The following KCNIP4 variants were observed in gnomAD, a reference collection of about 807,000 sequenced individuals.
KCNIP4 encodes the protein potassium voltage-gated channel interacting protein 4, also known as Kv channel-interacting protein 4.
In KCNIP4, 12 loss-of-function variants were observed where a neutral mutation model predicts 34.0. That is an observed-to-expected ratio of 0.35 (90% CI 0.23 to 0.57). The LOEUF (loss-of-function observed/expected upper bound fraction) is 0.57. Among genes scored for constraint, KCNIP4 ranks in the 20% least tolerant of loss-of-function variants. KCNIP4 has a pLI of 0.83. For missense variants in KCNIP4, 238 were observed against 311.7 expected, an observed-to-expected ratio of 0.76 and a Z score of 1.78; for synonymous variants, 124 against 102.2, an observed-to-expected ratio of 1.21 and a Z score of -1.29.
chr4:20,850,070 A>G (rs1165067360), intron 3 of KCNIP4, among the ~76,000 whole-genome samples: 1 of 152,220 alleles, frequency 6.6e-6, no homozygotes, highest in Non-Finnish European at 1.5e-5. Context: ...AGGTACAGTG[A>G]TGACCTACAG....
chr4:21,051,313 C>A (rs568571275), intron 1 of KCNIP4, among the ~76,000 whole-genome samples: 15 of 152,164 alleles, frequency 9.9e-5, no homozygotes, highest in Non-Finnish European at 1.9e-4. Context: ...GCAAGTCCAG[C>A]AGTATAGAGA....
chr4:20,781,433 G>A (rs10017832), intron 3 of KCNIP4, among the ~76,000 whole-genome samples: 1,553 of 152,172 alleles, frequency 0.01, 21 homozygotes, highest in South Asian at 0.039. Flanking sequence ...CCATTTTCCC[G>A]CTGCTGATAA....
At chr4:20,783,477 G>A (rs1458755996) in intron 3 of KCNIP4, among the ~76,000 whole-genome samples, 3 of 152,162 alleles carry the variant, frequency 2.0e-5, no homozygotes, top group Admixed American at 2.0e-4. Context: ...CTTCTTACAT[G>A]GCAGCAGCAA....
chr4:21,111,054 T>C (rs1709443222), intron 1 of KCNIP4, among the ~76,000 whole-genome samples: 1 of 152,254 alleles, frequency 6.6e-6, no homozygotes, highest in African/African-American at 2.4e-5. Flanking sequence ...TACAATTTTA[T>C]ATTTTATATT....
At chr4:20,844,315 G>A (rs930306641) in intron 3 of KCNIP4, among the ~76,000 whole-genome samples, 8 of 152,184 alleles carry the variant, frequency 5.3e-5, no homozygotes, top group African/African-American at 1.7e-4. Context: ...TAGGGCAAAG[G>A]AAATAGCATT....
At chr4:21,427,177 T>C (rs1239076360) in intron 1 of KCNIP4, among the ~76,000 whole-genome samples, 1 of 152,136 alleles carries the variant, frequency 6.6e-6, no homozygotes, top group Non-Finnish European at 1.5e-5. Flanking sequence ...AATGGGTGTG[T>C]CTGTGAGGAA....
chr4:20,748,882 A>T (rs115679808), intron 5 of KCNIP4, among the ~76,000 whole-genome samples: 1 of 144,416 alleles, frequency 6.9e-6, no homozygotes, highest in Non-Finnish European at 1.5e-5. Context: ...GTGTGTGTGT[A>T]TGTGTGTGTG....
chr4:20,882,786 G>A, intron 1 of KCNIP4, 77 bp from the exon 2 acceptor site: 1 of 1,180,742 alleles, frequency 8.5e-7, no homozygotes, highest in Non-Finnish European at 1.2e-6. Flanking sequence ...TATCAGAGAA[G>A]CCAGGCAGGA....
chr4:21,856,308 A>G lies in KCNIP4; in HGVS notation c.61+92263T>C, dbSNP rs962827688. On this transcript the variant is annotated intron_variant, in intron 1 of 8. Coordinates refer to ENST00000382152, the MANE Select transcript of KCNIP4 (RefSeq NM_025221.6). ...AGCTACATTTGAGGGATAATCCCAA[A>G]TGGGGATTAAATTTATTTGAGGGTT... is the stretch of plus-strand genomic sequence containing the variant. 3.9e-5 allele frequency among the ~76,000 whole-genome samples: 6 copies of G among 152,344 alleles called. 1 individual carries two copies. The highest frequency in any genetic ancestry group is 6.5e-5 in the Admixed American group (1 of 15,302).
intron 1 of KCNIP4, chr4:21,582,027 A>AGAATAGAATAGAATAGAATG (rs1741247929): frequency 8.8e-5 from 10 of 113,168 alleles, no homozygotes; most frequent in Non-Finnish European, 1.1e-4. Context: ...AGAATAGAAT[A>AGAATAGAATAGAATAGAATG]GAATGGAATG....
At chr4:21,143,915 G>A (rs1432431441) in intron 1 of KCNIP4, among the ~76,000 whole-genome samples, 1 of 151,246 alleles carries the variant, frequency 6.6e-6, no homozygotes. Flanking sequence ...TCACCATCTT[G>A]GCCAGGCTGG....
chr4:20,966,443 C>T lies in KCNIP4; in HGVS notation c.62-83734G>A, dbSNP rs527545426. 6.6e-5 allele frequency among the ~76,000 whole-genome samples: 10 copies of T among 152,128 alleles called. No individual in the cohort carries two copies. In the East Asian group the frequency reaches 1.9e-3, roughly 29 times the overall value. On this transcript the variant is annotated intron_variant, in intron 1 of 8. Coordinates refer to ENST00000382152, the MANE Select transcript of KCNIP4 (RefSeq NM_025221.6). ...GTACCTTAGTGTATGTCTTCACTTA[C>T]CATAGAGATTTAGAAAATAAAAAAA...
At chr4:21,612,181 A>G (rs1744210623) in intron 1 of KCNIP4, among the ~76,000 whole-genome samples, 1 of 152,114 alleles carries the variant, frequency 6.6e-6, no homozygotes, top group South Asian at 2.1e-4. Flanking sequence ...TTTCTGTTTT[A>G]TTTCATTTTA....
At chr4:21,354,085 G>C (rs1189622001) in intron 1 of KCNIP4, among the ~76,000 whole-genome samples, 2 of 152,150 alleles carry the variant, frequency 1.3e-5, no homozygotes, top group African/African-American at 2.4e-5. Context: ...ATTCTTTACA[G>C]ACAAGCAAAT....
intron 1 of KCNIP4, among the ~76,000 whole-genome samples, chr4:21,341,042 G>A (rs1157169010): frequency 6.6e-6 from 1 of 152,104 alleles, no homozygotes; most frequent in Non-Finnish European, 1.5e-5. Context: ...AATAAATGGT[G>A]TTCCATAAGA....
intron 1 of KCNIP4, among the ~76,000 whole-genome samples, chr4:21,757,166 A>AGAAAGAAAGAAAGAAG: frequency 2.2e-5 from 1 of 46,378 alleles, no homozygotes; most frequent in East Asian, 4.3e-4. Flanking sequence ...AAAGAAAGAA[A>AGAAAGAAAGAAAGAAG]GAAGGAAGGA....
At chr4:20,929,029 C>T (rs1164971421) in intron 1 of KCNIP4, among the ~76,000 whole-genome samples, 2 of 151,950 alleles carry the variant, frequency 1.3e-5, no homozygotes, top group East Asian at 3.9e-4. Context: ...CCTGCAAACA[C>T]ATTTTACAAG....
chr4:21,023,911 G>C (rs983555170), intron 1 of KCNIP4, among the ~76,000 whole-genome samples: 1 of 151,938 alleles, frequency 6.6e-6, no homozygotes, highest in South Asian at 2.1e-4. Context: ...AAATCACAAT[G>C]AGTTAGCACT....
intron 1 of KCNIP4, among the ~76,000 whole-genome samples, chr4:21,447,573 C>G (rs984612219): frequency 6.6e-6 from 1 of 152,114 alleles, no homozygotes; most frequent in Non-Finnish European, 1.5e-5. Context: ...GTAGCAAATC[C>G]TATATATACA....
Sources: gnomAD v4.1 joint callset for allele counts (sites outside exome capture counted in the v4.1 genomes callset) on GRCh38, gnomAD v4.1.1 for gene constraint, MANE v1.5 for transcripts, NCBI Gene and HGNC (gene_info 2026-07-23, HGNC 2026-07-21) for gene names.